SHC3: variants seen among roughly 807,000 people sequenced by gnomAD.
SHC3 encodes the protein SHC adaptor protein 3, also known as SHC-transforming protein 3.
In SHC3, 15 loss-of-function variants were observed where a neutral mutation model predicts 60.4. That is an observed-to-expected ratio of 0.25 (90% CI 0.17 to 0.38). The LOEUF is 0.38. SHC3 is among the 10% of genes least tolerant of loss of function. The probability of loss-of-function intolerance (pLI) is 1.00; values close to 1 mark genes in which losing one functional copy is unlikely to be tolerated. For missense variants in SHC3, 677 were observed against 786.1 expected (o/e 0.86, Z 1.66); for synonymous variants, 294 against 325.9 (o/e 0.90, Z 1.05).
chr9:89,006,680 G>A lies in SHC3; in HGVS notation c.*6767C>T, dbSNP rs1825945564. The A allele has an allele frequency of 6.6e-6, 1 of 152,016 alleles. No homozygotes were observed. The highest frequency in any genetic ancestry group is 1.5e-5 in the Non-Finnish European group (1 of 68,004). The allele number at this position is 152,016 out of a possible 1,614,324, so 9.4% of individuals were successfully genotyped here. ...TACATGGAGTTGTCTCCTAATCCTG[G>A]GATTTTAACACCAAATGTTTAATTC... is the stretch of plus-strand genomic sequence containing the variant. On this transcript the variant is annotated 3_prime_UTR_variant, in exon 12 of 12. Transcript: ENST00000375835.
At chr9:89,157,719 G>C (rs957356335) in intron 1 of SHC3, among the ~76,000 whole-genome samples, 2 of 151,992 alleles carry the variant, frequency 1.3e-5, no homozygotes, top group Non-Finnish European at 2.9e-5. Context: ...AAGTTCAAGT[G>C]CTCCTCCTGC....
intron 1 of SHC3, among the ~76,000 whole-genome samples, chr9:89,133,955 A>G (rs1826285781): frequency 1.3e-5 from 2 of 152,146 alleles, no homozygotes; most frequent in Non-Finnish European, 2.9e-5. Context: ...TAGATTCTAG[A>G]TGAGGCCTGG....
intron 1 of SHC3, among the ~76,000 whole-genome samples, chr9:89,121,422 G>T (rs1320674178): frequency 6.6e-6 from 1 of 152,038 alleles, no homozygotes; most frequent in Non-Finnish European, 1.5e-5. Context: ...TCCCGAGTAG[G>T]TGGGATTACA....
At chr9:89,075,303 C>A in intron 3 of SHC3, 75 bp from the exon 4 acceptor site, 1 of 1,555,842 alleles carries the variant, frequency 6.4e-7, no homozygotes, top group Admixed American at 1.8e-5. Context: ...GCCTGCCATA[C>A]CCCTAAACTC....
At chr9:89,047,149 T>C (rs1215822681) in intron 7 of SHC3, among the ~76,000 whole-genome samples, 155 bp from the exon 8 acceptor site, 1 of 152,180 alleles carries the variant, frequency 6.6e-6, no homozygotes, top group Non-Finnish European at 1.5e-5. Context: ...AGCAGATGAG[T>C]GGTTTAGCAA....
intron 2 of SHC3, among the ~76,000 whole-genome samples, chr9:89,087,862 T>C (rs1379413233): frequency 6.6e-6 from 1 of 152,150 alleles, no homozygotes; most frequent in Non-Finnish European, 1.5e-5. Flanking sequence ...AACAGAGACC[T>C]TAAGATTGAT....
At chr9:89,114,123 A>G (rs947982982) in intron 1 of SHC3, among the ~76,000 whole-genome samples, 1 of 152,186 alleles carries the variant, frequency 6.6e-6, no homozygotes, top group African/African-American at 2.4e-5. Context: ...CATCAATGTC[A>G]TAGAATTGTG....
intron 8 of SHC3, 118 bp downstream of exon 8, chr9:89,046,726 A>G (rs1819395038): frequency 4.1e-6 from 5 of 1,220,612 alleles, no homozygotes. Context: ...AAAGCTCATG[A>G]TTTACTGTGT....
At position 89,013,413 on chromosome 9, in the gene SHC3, C is replaced by G; in HGVS notation, c.*34G>C. On this transcript the variant is annotated 3_prime_UTR_variant, in exon 12 of 12. Coordinates refer to ENST00000375835, the MANE Select transcript of SHC3 (RefSeq NM_016848.6). ...CTAGTCCACTCCAGGTCCTCCTGAC[C>G]TGGTGCGCAGTGCTGGGAGCAGTGC... is the stretch of plus-strand genomic sequence containing the variant. 6.6e-7 allele frequency: 1 copy of G among 1,512,398 alleles called. No individual in the cohort carries two copies. The allele number at this position is 1,512,398 out of a possible 1,614,324, so 93.7% of individuals were successfully genotyped here. A position where few individuals can be genotyped will look rare whatever the true frequency, so the allele number is the denominator to read the frequency against.
At chr9:89,102,202 C>T (rs1035929656) in intron 2 of SHC3, among the ~76,000 whole-genome samples, 2 of 152,074 alleles carry the variant, frequency 1.3e-5, no homozygotes, top group African/African-American at 2.4e-5. Context: ...GTCATTTGAA[C>T]TTCTCTCTCT....
At chr9:89,024,607 A>T (rs1826257993) in intron 11 of SHC3, among the ~76,000 whole-genome samples, 1 of 152,382 alleles carries the variant, frequency 6.6e-6, no homozygotes, top group African/African-American at 2.4e-5. Flanking sequence ...CCTGCTTCAC[A>T]GGACCGTTTT....
At chr9:89,061,114 A>G (rs186943505) in intron 6 of SHC3, among the ~76,000 whole-genome samples, 19 of 152,318 alleles carry the variant, frequency 1.2e-4, no homozygotes, top group Non-Finnish European at 2.6e-4. Flanking sequence ...TTGTTTGTAA[A>G]AACACTGCTC....
At chr9:89,072,893 G>A (rs1051719222) in intron 4 of SHC3, among the ~76,000 whole-genome samples, 6 of 152,128 alleles carry the variant, frequency 3.9e-5, no homozygotes, top group African/African-American at 1.4e-4. Flanking sequence ...AATTATAATA[G>A]AAAATAAGAT....
rs1826024443 is a variant in SHC3 at position 89,012,417 on chromosome 9, T to C, written c.*1030A>G. ...TGGATTCCAGTGACTCCTGGGTTTCTGGCACATGCAGCCCCAGAAGCCTCA... is the reference window on the plus strand; with the variant it reads ...TGGATTCCAGTGACTCCTGGGTTTCCGGCACATGCAGCCCCAGAAGCCTCA... On this transcript the variant is annotated 3_prime_UTR_variant, in exon 12 of 12. Coordinates refer to ENST00000375835, the MANE Select transcript of SHC3 (RefSeq NM_016848.6). 1.3e-5 allele frequency: 2 copies of C among 152,218 alleles called. No individual in the cohort carries two copies. Among genetic ancestry groups the C allele is most frequent in the East Asian group, 1.9e-4 (1 of 5,190 alleles). 9.4% of individuals were successfully genotyped at this position (152,218 alleles called of 1,614,324 possible). A position where few individuals can be genotyped will look rare whatever the true frequency, so the allele number is the denominator to read the frequency against.
intron 1 of SHC3, among the ~76,000 whole-genome samples, chr9:89,173,482 T>A (rs1252701185): frequency 6.6e-6 from 1 of 152,390 alleles, no homozygotes; most frequent in East Asian, 1.9e-4. Context: ...CTTTATAGGA[T>A]GGAAGTTTTG....
At chr9:89,175,614 C>A (rs935301125) in intron 1 of SHC3, among the ~76,000 whole-genome samples, 6 of 152,068 alleles carry the variant, frequency 3.9e-5, no homozygotes, top group African/African-American at 1.4e-4. Context: ...TATAAATTTT[C>A]CAGGAAACTA....
At chr9:89,051,238 G>A (rs377367236) in intron 7 of SHC3, among the ~76,000 whole-genome samples, 30 of 152,238 alleles carry the variant, frequency 2.0e-4, no homozygotes, top group African/African-American at 6.7e-4. Flanking sequence ...TGTTTCTAGC[G>A]ATCACAACAT....
chr9:89,033,902 C>A (rs186098059), intron 11 of SHC3, among the ~76,000 whole-genome samples: 1 of 152,136 alleles, frequency 6.6e-6, no homozygotes, highest in East Asian at 1.9e-4. Context: ...AAGAGGTGAG[C>A]AAAATGGCAA....
Position 89,021,525 on chromosome 9 carries a change from G to C in SHC3, c.1657-7950C>G, listed in dbSNP as rs147629332. The stretch of plus-strand genomic sequence containing the variant: ...GACCCACAAAACTAACCTGAAACCT[G>C]TGTAAAAACCCACAAACCAGAAGCA... On this transcript the variant is annotated intron_variant, in intron 11 of 11. Transcript: ENST00000375835. Among the ~76,000 whole-genome samples the C allele has an allele frequency of 1.9e-3, 294 of 152,312 alleles. 1 individual carries two copies. The highest frequency in any genetic ancestry group is 6.8e-3 in the African/African-American group (281 of 41,560).
Sources: allele counts gnomAD v4.1 joint callset (sites outside exome capture counted in the v4.1 genomes callset), GRCh38; gene constraint gnomAD v4.1.1; transcripts MANE v1.5; gene names NCBI Gene and HGNC (gene_info 2026-07-23, HGNC 2026-07-21).